COL7A1: variants seen among roughly 807,000 people sequenced by gnomAD.
The protein encoded by COL7A1 is collagen type VII alpha 1 chain.
A neutral mutation model predicts 456.2 loss-of-function variants in COL7A1; 296 were observed. That is an observed-to-expected ratio of 0.65 (90% CI 0.59 to 0.71). The LOEUF is 0.71. Among genes scored for constraint, COL7A1 ranks in the 30% least tolerant of loss-of-function variants. The probability of loss-of-function intolerance (pLI) is 0.00; values close to 1 mark genes in which losing one functional copy is unlikely to be tolerated. For missense variants in COL7A1, 3,441 were observed against 4,017.2 expected, an observed-to-expected ratio of 0.86 and a Z score of 3.88; for synonymous variants, 1,464 against 1,525.9, an observed-to-expected ratio of 0.96 and a Z score of 0.95.
Position 48,579,835 on chromosome 3 carries a change from GAGA to G in COL7A1, c.5125-24_5125-22del. 3 of 1,614,136 alleles carry G rather than the reference GAGA, an allele frequency of 1.9e-6. No homozygotes were observed. The highest frequency in any genetic ancestry group is 2.5e-6 in the Non-Finnish European group (3 of 1,180,044). On this transcript the variant is annotated intron_variant, in intron 57 of 118. Transcript: ENST00000681320. This position sits in a 1 kb window ranked among gnomAD's most constrained non-coding sequence, Gnocchi z 4.4. ...TCTACCTGTGGGGGGAATGACCAGTGAGAAGAATGGCTCAACAAGGGGAAGAGG... is the reference window on the plus strand; with the variant it reads ...TCTACCTGTGGGGGGAATGACCAGTGAGAATGGCTCAACAAGGGGAAGAGG...
At position 48,588,946 on chromosome 3, in the gene COL7A1, G is replaced by C; in HGVS notation, c.2364C>G (p.Ser788=). ...CCCAGGTGATCCGTAGAACGTCGCT[G>C]GAAGCATTGAGGATCTGCAGCCTCG... ...RVSRLQILNA[S]SDVLRITWVG... Residue 788 remains serine, a synonymous_variant, in exon 19 of 119, where the codon TCC becomes TCG. Coordinates refer to ENST00000681320, the MANE Select transcript of COL7A1 (RefSeq NM_000094.4). This position sits in a 1 kb window ranked among gnomAD's most constrained non-coding sequence, Gnocchi z 4.6. The C allele has an allele frequency of 6.2e-7, 1 of 1,613,624 alleles. No individual in the cohort carries two copies. The highest frequency in any genetic ancestry group is 1.1e-5 in the South Asian group (1 of 91,092).
intron 36 of COL7A1, 21 bp downstream of exon 36, chr3:48,584,464 C>T: frequency 6.2e-7 from 1 of 1,613,972 alleles, no homozygotes; most frequent in Non-Finnish European, 8.5e-7. Context: ...CATCACTTGC[C>T]TCCACATACC....
At position 48,580,087 on chromosome 3, in the gene COL7A1, G is replaced by A. The variant is rs759205107; in HGVS notation, c.5098-30C>T. 1 of 1,613,354 alleles carries A rather than the reference G, an allele frequency of 6.2e-7. No homozygotes were observed. The highest frequency in any genetic ancestry group is 8.5e-7 in the Non-Finnish European group (1 of 1,179,586). ...GAAAGGAAATGATTATAGTCAATAGGAGCCCTCAGGTCCCAGGCCATGGCT... is the reference window on the plus strand; with the variant it reads ...GAAAGGAAATGATTATAGTCAATAGAAGCCCTCAGGTCCCAGGCCATGGCT... On this transcript the variant is annotated intron_variant, in intron 56 of 118. Coordinates refer to ENST00000681320, the MANE Select transcript of COL7A1 (RefSeq NM_000094.4). This position sits in a 1 kb window ranked among gnomAD's most constrained non-coding sequence, Gnocchi z 4.5.
At position 48,567,173 on chromosome 3, in the gene COL7A1, G is replaced by C. The variant is rs546054756; in HGVS notation, c.8064C>G (p.Asp2688Glu). 1 of 1,613,914 alleles carries C rather than the reference G, an allele frequency of 6.2e-7. No individual in the cohort carries two copies. The highest frequency in any genetic ancestry group is 8.5e-7 in the Non-Finnish European group (1 of 1,179,950). ...LIGPKGDRGF[D>E]GQPGPKGDQG... ...GGTCACCCTTGGGGCCTGGCTGCCC[G>C]TCAAAGCCTCGGTCACCCTGGGAAC... is the stretch of plus-strand genomic sequence containing the variant. Residue 2688 changes from aspartate to glutamate, a missense_variant, in exon 110 of 119, where the codon GAC becomes GAG. Transcript: ENST00000681320. This position sits in a 1 kb window ranked among gnomAD's most constrained non-coding sequence, Gnocchi z 4.3.
rs1560210926 is a variant in COL7A1 at position 48,573,564 on chromosome 3, A to G, written c.6574-7T>C. 1.2e-6 allele frequency: 2 copies of G among 1,613,952 alleles called. No individual in the cohort carries two copies. Among genetic ancestry groups the G allele is most frequent in the African/African-American group, 1.3e-5 (1 of 74,900 alleles). On this transcript the variant is annotated splice_polypyrimidine_tract_variant and splice_region_variant and intron_variant, in intron 82 of 118. Coordinates refer to ENST00000681320, the MANE Select transcript of COL7A1 (RefSeq NM_000094.4). The surrounding 1 kb of genome is among the most constrained non-coding windows in gnomAD (Gnocchi z 5.5). ...CTGCAGGGCCAGCAAGACCCTAGAG[A>G]AAAGGGTCAAGGGCAGGGAACAGGG...
chr3:48,595,106 C>A lies in COL7A1; in HGVS notation c.54G>T (p.Ala18=). The A allele has an allele frequency of 6.4e-7, 1 of 1,554,102 alleles. No individual in the cohort carries two copies. Among genetic ancestry groups the A allele is most frequent in the Non-Finnish European group, 8.7e-7 (1 of 1,149,126 alleles). ...AALCAGILAE[A]PRVRAQHRER... ...CCCTGTGCTGGGCTCGCACTCGGGG[C>A]GCCTCTGCCAGGATCCCGGCGCAGA... The change falls in exon 2 of 119, where the codon GCG becomes GCT. Residue 18 remains alanine (A), a synonymous_variant. Coordinates refer to ENST00000681320, the MANE Select transcript of COL7A1 (RefSeq NM_000094.4).
chr3:48,584,079 A>AC lies in COL7A1; in HGVS notation c.4198-19dup, dbSNP rs2045016402. 6.2e-7 allele frequency: 1 copy of AC among 1,613,890 alleles called. No homozygotes were observed. The highest frequency in any genetic ancestry group is 1.3e-5 in the African/African-American group (1 of 74,850). On this transcript the variant is annotated intron_variant, in intron 37 of 118. Coordinates refer to ENST00000681320, the MANE Select transcript of COL7A1 (RefSeq NM_000094.4). ...TTGTCACCCTAGAAAACAGATGACG[A>AC]CCCCATGACCCTGGGCCACACCTCA...
chr3:48,564,518 A>C lies in COL7A1; in HGVS notation c.8819-96T>G. 1 of 1,472,464 alleles carries C rather than the reference A, an allele frequency of 6.8e-7. No homozygotes were observed. The highest frequency in any genetic ancestry group is 9.4e-7 in the Non-Finnish European group (1 of 1,062,716). 91.2% of individuals were successfully genotyped at this position (1,472,464 alleles called of 1,614,324 possible). On this transcript the variant is annotated intron_variant, in intron 118 of 118. Transcript: ENST00000681320. The surrounding 1 kb of genome is among the most constrained non-coding windows in gnomAD (Gnocchi z 6.0). ...GCCAAGGGGAGGGAGCGGAGGCTAC[A>C]ACAGGAAGTGGGGGCTCTGACCTCA...
In COL7A1 at chr3:48,568,787, G is replaced by A. The variant is rs1409709221; in HGVS notation, c.7755C>T (p.Pro2585=). 1 of 1,567,582 alleles carries A rather than the reference G, an allele frequency of 6.4e-7. No homozygotes were observed. The highest frequency in any genetic ancestry group is 8.7e-7 in the Non-Finnish European group (1 of 1,155,242). Residue 2585 remains proline, a synonymous_variant, in exon 104 of 119, where the codon CCC becomes CCT. Coordinates refer to ENST00000681320, the MANE Select transcript of COL7A1 (RefSeq NM_000094.4). The surrounding 1 kb of genome is among the most constrained non-coding windows in gnomAD (Gnocchi z 5.2). ...GLPGLRGLLG[P]QGQPGAAGIP... The stretch of plus-strand genomic sequence containing the variant: ...CTGGGCCTGGGGCAGAACTTGCCTG[G>A]GGTCCCAGGAGTCCACGCAGTCCTG...
rs755721301 is a variant in COL7A1, at chr3:48,591,466, T to G, written c.1634A>C (p.Gln545Pro). 16 of 1,613,336 alleles carry G rather than the reference T, an allele frequency of 9.9e-6. No individual in the cohort carries two copies. The highest frequency in any genetic ancestry group is 1.3e-5 in the Non-Finnish European group (15 of 1,179,720). The change falls in exon 13 of 119, where the codon CAG becomes CCG. Residue 545 changes from glutamine to proline, a missense_variant and splice_region_variant. Transcript: ENST00000681320. This position sits in a 1 kb window ranked among gnomAD's most constrained non-coding sequence, Gnocchi z 7.0. ...TQYRIIVRST[Q>P]GVERTLVLPG... is the part of the protein sequence containing the mutation. The stretch of plus-strand genomic sequence containing the variant: ...GGTGCTGGCTGCGTCCACCTCACCC[T>G]GGGTGCTGCGCACAATGATGCGGTA...
chr3:48,574,319 G>C lies in COL7A1; in HGVS notation c.6457-13C>G. 1 of 1,614,154 alleles carries C rather than the reference G, an allele frequency of 6.2e-7. No individual in the cohort carries two copies. Among genetic ancestry groups the C allele is most frequent in the Non-Finnish European group, 8.5e-7 (1 of 1,180,026 alleles). Reference sequence around the variant, plus strand: ...CTCCTGGTAGACCCTGCAGAGAATAGGTTTAAGGCCTTAGTTTCCCAGTTC... The same window carrying C: ...CTCCTGGTAGACCCTGCAGAGAATACGTTTAAGGCCTTAGTTTCCCAGTTC... On this transcript the variant is annotated splice_polypyrimidine_tract_variant and intron_variant, in intron 79 of 118. Coordinates refer to ENST00000681320, the MANE Select transcript of COL7A1 (RefSeq NM_000094.4). The surrounding 1 kb of genome is among the most constrained non-coding windows in gnomAD (Gnocchi z 5.0).
rs755460071 is a variant in COL7A1, at chr3:48,574,820, G to T, written c.6325C>A (p.Pro2109Thr). 3 of 1,613,988 alleles carry T rather than the reference G, an allele frequency of 1.9e-6. No homozygotes were observed. The highest frequency in any genetic ancestry group is 2.2e-5 in the East Asian group (1 of 44,886). ...ACCTTAGCACCCTTGAGTCCAGGGG[G>T]TCCCTGTTCTCCAGAGAGTCCAGGA... The part of the protein sequence containing the change: ...PGPGLSGEQG[P>T]PGLKGAKGEP... Residue 2109 changes from proline to threonine, a missense_variant, in exon 77 of 119, where the codon CCC (proline) becomes ACC (threonine). Pro to Thr is a conservative substitution (Grantham distance 38). Coordinates refer to ENST00000681320, the MANE Select transcript of COL7A1 (RefSeq NM_000094.4). This position sits in a 1 kb window ranked among gnomAD's most constrained non-coding sequence, Gnocchi z 5.0.
rs775541373 is a variant in COL7A1, at chr3:48,580,703, C to A, written c.4981-51G>T. The stretch of plus-strand genomic sequence containing the variant: ...AGACCCTCCCAATATTTTGCAGGTG[C>A]CCCTATGACCCGCTACACTGCCCCA... On this transcript the variant is annotated intron_variant, in intron 54 of 118. Transcript: ENST00000681320. This position sits in a 1 kb window ranked among gnomAD's most constrained non-coding sequence, Gnocchi z 4.5. 2 of 1,597,144 alleles carry A rather than the reference C, an allele frequency of 1.3e-6. No homozygotes were observed. The highest frequency in any genetic ancestry group is 1.1e-5 in the South Asian group (1 of 90,622).
Position 48,582,655 on chromosome 3 carries a change from T to C in COL7A1, c.4519-2A>G. 6.2e-7 allele frequency: 1 copy of C among 1,612,956 alleles called. No homozygotes were observed. Among genetic ancestry groups the C allele is most frequent in the Non-Finnish European group, 8.5e-7 (1 of 1,179,902 alleles). On this transcript the variant is annotated splice_acceptor_variant, in intron 44 of 118. Transcript: ENST00000681320. LOFTEE classifies it high-confidence loss of function. ...ACGTCCAGCAACCCCTGGCAGCCCC[T>C]GGAGGAGAGGAAGGGAAGAGCTGTG...
rs1482144986 is a variant in COL7A1 at position 48,585,577 on chromosome 3, C to T, written c.3874G>A (p.Ala1292Thr). Residue 1292 changes from alanine (A) to threonine (T), a missense_variant, in exon 32 of 119, where the codon GCC becomes ACC. By Grantham distance (58) the Ala-to-Thr change is moderately conservative. Transcript: ENST00000681320. This position sits in a 1 kb window ranked among gnomAD's most constrained non-coding sequence, Gnocchi z 4.5. ...APGPQGPPGS[A>T]TAKGERGFPG... is the part of the protein sequence containing the mutation. ...CTCACCCTCTCGCCCTTGGCAGTGG[C>T]ACTTCCAGGGGGCCCCTGGGGGCCG... 2 of 1,613,974 alleles carry T rather than the reference C, an allele frequency of 1.2e-6. No homozygotes were observed. Among genetic ancestry groups the T allele is most frequent in the Non-Finnish European group, 1.7e-6 (2 of 1,180,030 alleles).
chr3:48,590,343 G>A lies in COL7A1; in HGVS notation c.1920C>T (p.Ser640=). The A allele has an allele frequency of 6.2e-7, 1 of 1,614,062 alleles. No individual in the cohort carries two copies. The highest frequency in any genetic ancestry group is 8.5e-7 in the Non-Finnish European group (1 of 1,179,988). Residue 640 remains serine (S), a synonymous_variant, in exon 16 of 119, where the codon AGC becomes AGT. Transcript: ENST00000681320. This position sits in a 1 kb window ranked among gnomAD's most constrained non-coding sequence, Gnocchi z 4.6. ...SWSTGSGPES[S]QTLPPDSTAT... is the part of the protein sequence containing the mutation. ...CAGTAGAGTCTGGGGGCAGTGTCTG[G>A]CTGGACTCCGGACCTGAGGTCAGAG...
Position 48,588,338 on chromosome 3 carries a change from A to G in COL7A1, c.2654T>C (p.Leu885Pro), listed in dbSNP as rs748477957. 1.2e-6 allele frequency: 2 copies of G among 1,612,792 alleles called. No homozygotes were observed. Among genetic ancestry groups the G allele is most frequent in the Non-Finnish European group, 8.5e-7 (1 of 1,179,974 alleles). ...CGCTCTGGGCACCGGCTCCCAGCGC[A>G]GCCTCAGCGAGTGCTCCCCGCGCTG... Reference protein sequence around the residue: ...VVQRGEHSLRLRWEPVPRAQG... With the variant: ...VVQRGEHSLRPRWEPVPRAQG... Residue 885 changes from leucine (L) to proline (P), a missense_variant, in exon 21 of 119, where the codon CTG becomes CCG. Around this residue, in one of 3 missense-constraint regions of COL7A1, gnomAD observed 444 missense variants for 427.6 expected, o/e 1.04. Coordinates refer to ENST00000681320, the MANE Select transcript of COL7A1 (RefSeq NM_000094.4). The surrounding 1 kb of genome is among the most constrained non-coding windows in gnomAD (Gnocchi z 4.6).
intron 65 of COL7A1, among the ~76,000 whole-genome samples, chr3:48,577,553 G>A (rs1380620693): frequency 1.3e-5 from 2 of 152,300 alleles, no homozygotes; most frequent in East Asian, 3.9e-4. Flanking sequence ...ATAAAGTCAT[G>A]GGCCAGCATG....
Position 48,579,733 on chromosome 3 carries a change from G to A in COL7A1, c.5154+52C>T. 6.2e-7 allele frequency: 1 copy of A among 1,613,914 alleles called. No homozygotes were observed. The highest frequency in any genetic ancestry group is 8.5e-7 in the Non-Finnish European group (1 of 1,179,972). ...CCAAGCCATGCCCAAGGTAGAACCT[G>A]CTGGGAGGGGCACTGGGGTCTTTCT... is the stretch of plus-strand genomic sequence containing the variant. On this transcript the variant is annotated intron_variant, in intron 58 of 118. Coordinates refer to ENST00000681320, the MANE Select transcript of COL7A1 (RefSeq NM_000094.4). The surrounding 1 kb of genome is among the most constrained non-coding windows in gnomAD (Gnocchi z 4.4).
Sources: gnomAD v4.1 joint callset for allele counts (sites outside exome capture counted in the v4.1 genomes callset) on GRCh38, gnomAD v4.1.1 for gene constraint, gnomAD v4.1.1 regional missense constraint, Gnocchi (gnomAD v3.1) non-coding constraint, MANE v1.5 for transcripts, NCBI Gene and HGNC (gene_info 2026-07-23, HGNC 2026-07-21) for gene names.